The following PLA1A variants were observed in gnomAD, a reference collection of about 807,000 sequenced individuals.
PLA1A encodes the protein phospholipase A1 member A.
Under a neutral mutation model 49.4 loss-of-function variants are expected in PLA1A, and 47 were observed. The ratio of observed to expected loss-of-function variants is 0.95; its 90% CI spans 0.75 to 1.21. The LOEUF (loss-of-function observed/expected upper bound fraction) is 1.21. Among genes scored for constraint, PLA1A ranks in the 50% most tolerant of loss-of-function variants. PLA1A has a pLI of 0.00. For missense variants in PLA1A, 561 were observed against 563.9 expected (o/e 0.99, Z 0.05); for synonymous variants, 224 against 207.9 (o/e 1.08, Z -0.67).
chr3:119,619,948 C>T, intron 8 of PLA1A: 12 of 450,176 alleles, frequency 2.7e-5, no homozygotes, highest in South Asian at 2.2e-4. Flanking sequence ...CTCCGGCTGC[C>T]TCCTTTCTGC....
chr3:119,616,119 A>G lies in PLA1A; in HGVS notation c.754+18A>G, dbSNP rs745349162. The G allele has an allele frequency of 3.8e-6, 6 of 1,559,180 alleles. No homozygotes were observed. Among genetic ancestry groups the G allele is most frequent in the East Asian group, 4.5e-5 (2 of 44,652 alleles). ...TTACGCAGGTCAGAAAGCCAGTACAATCTGGTATTTGGCAACCCCGGAGAT... is the reference window on the plus strand; with the variant it reads ...TTACGCAGGTCAGAAAGCCAGTACAGTCTGGTATTTGGCAACCCCGGAGAT... On this transcript the variant is annotated intron_variant, in intron 6 of 10. Transcript: ENST00000273371.
chr3:119,603,083 G>A (rs367708758), intron 1 of PLA1A, among the ~76,000 whole-genome samples: 1 of 152,180 alleles, frequency 6.6e-6, no homozygotes, highest in Non-Finnish European at 1.5e-5. Context: ...CTCAGTTAGG[G>A]CCTTACAGTC....
In PLA1A at chr3:119,613,121, G is replaced by A. The variant is rs984901872; in HGVS notation, c.664+3G>A. On this transcript the variant is annotated splice_donor_region_variant and intron_variant, in intron 5 of 10. Transcript: ENST00000273371. ...AGCCATCCACACAGACACCGACAGT[G>A]AGCTGGGGTGACCTTCCTGGGATGA... The A allele has an allele frequency of 1.3e-6, 2 of 1,591,670 alleles. No homozygotes were observed. The highest frequency in any genetic ancestry group is 2.7e-5 in the African/African-American group (2 of 74,552).
rs752318298 is a variant in PLA1A at position 119,619,266 on chromosome 3, A to C, written c.923-297A>C. 3.3e-5 allele frequency among the ~76,000 whole-genome samples: 5 copies of C among 152,324 alleles called. No individual in the cohort carries two copies. The Middle Eastern group carries it at 0.01, about 311-fold the overall frequency. ...TATAAATGTCATGAAAACAACTACT[A>C]TAGGAGATTGGTTTTGCAAGTTAGA... On this transcript the variant is annotated intron_variant, in intron 7 of 10. Coordinates refer to ENST00000273371, the MANE Select transcript of PLA1A (RefSeq NM_015900.4).
chr3:119,625,292 T>C (rs1297668155), intron 9 of PLA1A, 60 bp downstream of exon 9: 2 of 1,090,806 alleles, frequency 1.8e-6, no homozygotes, highest in African/African-American at 1.5e-5. Context: ...TTTTTCATTT[T>C]ACACACATGG....
At chr3:119,623,594 A>G (rs1465590551) in intron 8 of PLA1A, among the ~76,000 whole-genome samples, 1 of 152,182 alleles carries the variant, frequency 6.6e-6, no homozygotes, top group Admixed American at 6.5e-5. Flanking sequence ...TGGATGCCAC[A>G]TAGGTAACCA....
chr3:119,604,330 A>G (rs1237798909), intron 1 of PLA1A, among the ~76,000 whole-genome samples: 1 of 152,240 alleles, frequency 6.6e-6, no homozygotes, highest in Non-Finnish European at 1.5e-5. Context: ...CACTGTTCAC[A>G]ATAGCCAAGA....
rs778057778 is a variant in PLA1A, at chr3:119,616,098, G to A, written c.751G>A (p.Ala251Thr). 1.4e-5 allele frequency: 22 copies of A among 1,604,890 alleles called. No homozygotes were observed. Among genetic ancestry groups the A allele is most frequent in the South Asian group, 7.7e-5 (7 of 90,818 alleles). Residue 251 changes from alanine to threonine, a missense_variant, in exon 6 of 11, where the codon GCA becomes ACA. By Grantham distance (58) the Ala-to-Thr change is moderately conservative. Coordinates refer to ENST00000273371, the MANE Select transcript of PLA1A (RefSeq NM_015900.4). Reference protein sequence around the residue: ...DQPGCPTFFYAGYSYLICDHM... With the variant: ...DQPGCPTFFYTGYSYLICDHM... Reference sequence around the variant, plus strand: ...ACCTGGCTGCCCCACCTTCTTTTACGCAGGTCAGAAAGCCAGTACAATCTG... The same window carrying A: ...ACCTGGCTGCCCCACCTTCTTTTACACAGGTCAGAAAGCCAGTACAATCTG...
At chr3:119,605,143 A>C (rs555978018) in intron 1 of PLA1A, among the ~76,000 whole-genome samples, 1 of 152,226 alleles carries the variant, frequency 6.6e-6, no homozygotes. Context: ...GAGGCTGATA[A>C]AATGATGGAG....
Position 119,618,185 on chromosome 3 carries a change from A to G in PLA1A, c.921A>G (p.Ile307Met), listed in dbSNP as rs766105812. The G allele has an allele frequency of 1.2e-6, 2 of 1,611,826 alleles. No individual in the cohort carries two copies. Among genetic ancestry groups the G allele is most frequent in the Admixed American group, 3.3e-5 (2 of 59,780 alleles). ...CTTTTCTGCTTTCCTGCCCAAGGAT[A>G]GGTAAAGTGCTACCCCTTTGACTTC... The part of the protein sequence containing the change: ...FNPFLLSCPR[I>M]GLVEQGGVKI... Residue 307 changes from isoleucine (I) to methionine (M), a missense_variant and splice_region_variant, in exon 7 of 11, where the codon ATA (isoleucine) becomes ATG (methionine). By Grantham distance (10) the Ile-to-Met change is conservative. Coordinates refer to ENST00000273371, the MANE Select transcript of PLA1A (RefSeq NM_015900.4).
At chr3:119,613,994 T>C (rs1252097377) in intron 5 of PLA1A, among the ~76,000 whole-genome samples, 1 of 152,190 alleles carries the variant, frequency 6.6e-6, no homozygotes, top group African/African-American at 2.4e-5. Context: ...TTCTGACCAG[T>C]TGGGAAAGGC....
chr3:119,622,778 T>TA (rs35239845), intron 8 of PLA1A, among the ~76,000 whole-genome samples: 124 of 149,118 alleles, frequency 8.3e-4, no homozygotes, highest in African/African-American at 2.2e-3. Context: ...TACCCCTTAG[T>TA]AAAAAAAAAA....
chr3:119,612,669 T>C (rs893901633), intron 4 of PLA1A, among the ~76,000 whole-genome samples: 54 of 152,176 alleles, frequency 3.5e-4, no homozygotes, highest in African/African-American at 1.3e-3. Context: ...TTTGTGTTTT[T>C]AGTAGAGACG....
intron 1 of PLA1A, chr3:119,600,479 G>A: frequency 1.4e-6 from 1 of 692,742 alleles, no homozygotes; most frequent in Admixed American, 2.1e-5. Flanking sequence ...ATTTGCTGTG[G>A]GGCCTGCTTA....
chr3:119,621,750 G>A (rs1384663696), intron 8 of PLA1A, among the ~76,000 whole-genome samples: 2 of 152,150 alleles, frequency 1.3e-5, no homozygotes, highest in Non-Finnish European at 2.9e-5. Context: ...AGTGTCTTAG[G>A]CAAGGCAGCA....
intron 8 of PLA1A, chr3:119,619,965 AT>A: frequency 4.4e-6 from 2 of 454,542 alleles, no homozygotes; most frequent in South Asian, 3.4e-5. Flanking sequence ...CTGCACTCTC[AT>A]TTCCCACTTC....
intron 5 of PLA1A, among the ~76,000 whole-genome samples, chr3:119,613,336 G>A (rs2082795896): frequency 6.6e-6 from 1 of 152,250 alleles, no homozygotes; most frequent in Non-Finnish European, 1.5e-5. Flanking sequence ...GTAGGCAAGA[G>A]GATTCTCATT....
rs766282189 is a variant in PLA1A at position 119,613,026 on chromosome 3, C to A, written c.572C>A (p.Pro191His). Residue 191 changes from proline (P) to histidine (H), a missense_variant, in exon 5 of 11, where the codon CCC (proline) becomes CAC (histidine). Pro to His is a moderately conservative substitution (Grantham distance 77). Transcript: ENST00000273371. The part of the protein sequence containing the change: ...GQLGQITGLD[P>H]AGPEYTRASV... ...CAGTCTCTTCTCACAGGCCTGGACCCCGCTGGACCTGAGTACACCAGGGCC... is the reference window on the plus strand; with the variant it reads ...CAGTCTCTTCTCACAGGCCTGGACCACGCTGGACCTGAGTACACCAGGGCC... 1.3e-5 allele frequency: 20 copies of A among 1,594,116 alleles called. No individual in the cohort carries two copies. Among genetic ancestry groups the A allele is most frequent in the Non-Finnish European group, 1.7e-5 (20 of 1,168,782 alleles).
chr3:119,601,201 G>A (rs937082526), intron 1 of PLA1A, among the ~76,000 whole-genome samples: 2 of 152,210 alleles, frequency 1.3e-5, no homozygotes, highest in East Asian at 1.9e-4. Flanking sequence ...ACACTTCTAC[G>A]AAACAAAAGC....
Sources: gnomAD v4.1 joint callset for allele counts (sites outside exome capture counted in the v4.1 genomes callset) on GRCh38, gnomAD v4.1.1 for gene constraint, MANE v1.5 for transcripts, NCBI Gene and HGNC (gene_info 2026-07-23, HGNC 2026-07-21) for gene names.